The following MAP2K5 variants were observed in gnomAD, a reference collection of about 807,000 sequenced individuals.
MAP2K5 encodes the protein mitogen-activated protein kinase kinase 5.
Under a neutral mutation model 83.1 loss-of-function variants are expected in MAP2K5, and 49 were observed. The observed-to-expected ratio is 0.59, with a 90% CI of 0.47 to 0.75. The LOEUF is 0.75. Among genes scored for constraint, MAP2K5 ranks in the 30% least tolerant of loss-of-function variants. The pLI is 0.00. For missense variants in MAP2K5, 457 were observed against 557.5 expected (o/e 0.82, Z 1.82); for synonymous variants, 202 against 191.8 (o/e 1.05, Z -0.44).
At chr15:67,703,532 A>G in intron 16 of MAP2K5, 124 bp downstream of exon 16, 1 of 719,884 alleles carries the variant, frequency 1.4e-6, no homozygotes, top group Non-Finnish European at 2.3e-6. Flanking sequence ...ATGTATACAG[A>G]GTTTGACCAT....
rs143392889 is a variant in MAP2K5, at chr15:67,543,031, C to A, written c.-305C>A. ...CTCATACCCACACGGCGGCAGAGAC[C>A]TTCACCATAGCGTTCGCTCAACTCC... On this transcript the variant is annotated 5_prime_UTR_variant, in exon 1 of 22. Transcript: ENST00000178640. The surrounding 1 kb of genome is among the most constrained non-coding windows in gnomAD (Gnocchi z 4.3). The A allele has an allele frequency of 1.3e-3, 546 of 417,358 alleles. 10 individuals carry two copies. In the East Asian group the frequency reaches 0.023, roughly 17 times the overall value. 25.9% of individuals were successfully genotyped at this position (417,358 alleles called of 1,614,324 possible).
At chr15:67,658,890 G>GA in intron 12 of MAP2K5, 1 of 466,242 alleles carries the variant, frequency 2.1e-6, no homozygotes. Flanking sequence ...AACTTCTTCT[G>GA]AAAAAAAAAT....
At position 67,668,425 on chromosome 15, in the gene MAP2K5, A is replaced by C. The variant is rs1016352380; in HGVS notation, c.847+3780A>C. Among the ~76,000 whole-genome samples, 23 of 152,210 alleles carry C rather than the reference A, an allele frequency of 1.5e-4. No individual in the cohort carries two copies. Among genetic ancestry groups the C allele is most frequent in the African/African-American group, 5.3e-4 (22 of 41,468 alleles). Reference sequence around the variant, plus strand: ...GGAAAAGTTGTCTTTATTAAAAGGCATATGTGAGAGCACTATAAGCATAGC... The same window carrying C: ...GGAAAAGTTGTCTTTATTAAAAGGCCTATGTGAGAGCACTATAAGCATAGC... On this transcript the variant is annotated intron_variant, in intron 13 of 21. Transcript: ENST00000178640. The surrounding 1 kb of genome is among the most constrained non-coding windows in gnomAD (Gnocchi z 4.0).
chr15:67,745,921 TA>T (rs2089595784), intron 17 of MAP2K5, among the ~76,000 whole-genome samples: 1 of 152,240 alleles, frequency 6.6e-6, no homozygotes, highest in Non-Finnish European at 1.5e-5. Context: ...ATACAAAATT[TA>T]TGAAGATGAT....
chr15:67,671,680 A>G (rs1479326515), intron 13 of MAP2K5, among the ~76,000 whole-genome samples: 2 of 151,966 alleles, frequency 1.3e-5, no homozygotes, highest in South Asian at 2.1e-4. Context: ...TTATCATTAT[A>G]CTTTAAGTTT....
intron 13 of MAP2K5, among the ~76,000 whole-genome samples, chr15:67,674,093 C>T (rs1218181600): frequency 6.6e-6 from 1 of 152,110 alleles, no homozygotes; most frequent in Non-Finnish European, 1.5e-5. Context: ...GTGATCCACC[C>T]GTCTCGGCCT....
rs1175852600 is a variant in MAP2K5 at position 67,668,120 on chromosome 15, CTTT to C, written c.847+3478_847+3480del. On this transcript the variant is annotated intron_variant, in intron 13 of 21. Coordinates refer to ENST00000178640, the MANE Select transcript of MAP2K5 (RefSeq NM_145160.3). The surrounding 1 kb of genome is among the most constrained non-coding windows in gnomAD (Gnocchi z 4.0). ...AGGTGTTACTATTGTTTATTTTGCT[CTTT>C]TTAAGATTTGGTTGAGATATATGTG... Among the ~76,000 whole-genome samples the C allele has an allele frequency of 6.6e-6, 1 of 152,098 alleles. No individual in the cohort carries two copies. Among genetic ancestry groups the C allele is most frequent in the African/African-American group, 2.4e-5 (1 of 41,436 alleles).
rs537529316 is a variant in MAP2K5, at chr15:67,775,638, G to A, written c.1242+2886G>A. ...CAAGTATACAAATAACTAGAATGAA[G>A]TAACTAGTATAAAAGAACTGCAGGG... On this transcript the variant is annotated intron_variant, in intron 21 of 21. Coordinates refer to ENST00000178640, the MANE Select transcript of MAP2K5 (RefSeq NM_145160.3). This position sits in a 1 kb window ranked among gnomAD's most constrained non-coding sequence, Gnocchi z 5.3. Among the ~76,000 whole-genome samples, 7 of 152,312 alleles carry A rather than the reference G, an allele frequency of 4.6e-5. 1 individual carries two copies. In the South Asian group the frequency reaches 1.2e-3, roughly 27 times the overall value.
intron 21 of MAP2K5, among the ~76,000 whole-genome samples, chr15:67,798,254 G>A (rs574109647): frequency 1.3e-5 from 2 of 152,150 alleles, no homozygotes; most frequent in Non-Finnish European, 2.9e-5. Flanking sequence ...GGGCATCTGC[G>A]TGGCCCAAAA....
Position 67,664,659 on chromosome 15 carries a change from T to C in MAP2K5, c.847+14T>C. The C allele has an allele frequency of 6.3e-7, 1 of 1,590,256 alleles. No individual in the cohort carries two copies. Among genetic ancestry groups the C allele is most frequent in the South Asian group, 1.1e-5 (1 of 89,422 alleles). On this transcript the variant is annotated intron_variant, in intron 13 of 21. Transcript: ENST00000178640. ...TTTTACATAGAGGTATGTGCTGGGC[T>C]TATAAGCTTGGATTTAATTTGGGGT...
intron 17 of MAP2K5, among the ~76,000 whole-genome samples, chr15:67,739,836 C>T (rs954024146): frequency 2.0e-5 from 3 of 152,080 alleles, no homozygotes; most frequent in African/African-American, 7.2e-5. Context: ...GGCTGCAATA[C>T]AACTGATCTC....
chr15:67,805,672 C>T (rs991069403), intron 21 of MAP2K5, among the ~76,000 whole-genome samples: 1 of 152,200 alleles, frequency 6.6e-6, no homozygotes, highest in African/African-American at 2.4e-5. Context: ...ATGGCGCCCT[C>T]ATCTCCCCCA....
intron 15 of MAP2K5, among the ~76,000 whole-genome samples, chr15:67,694,822 T>C (rs62016222): frequency 9.2e-5 from 14 of 152,140 alleles, no homozygotes; most frequent in Admixed American, 5.2e-4. Context: ...ATGTTTATTG[T>C]GGCATTATTC....
intron 17 of MAP2K5, among the ~76,000 whole-genome samples, chr15:67,740,171 G>A (rs1032692352): frequency 6.6e-6 from 1 of 152,194 alleles, no homozygotes; most frequent in Non-Finnish European, 1.5e-5. Flanking sequence ...CTGTGGGCCA[G>A]CAATTGTATT....
chr15:67,748,662 A>T lies in MAP2K5; in HGVS notation c.1134+61A>T, dbSNP rs187329496. The T allele has an allele frequency of 6.5e-7, 1 of 1,532,494 alleles. No homozygotes were observed. Among genetic ancestry groups the T allele is most frequent in the East Asian group, 2.3e-5 (1 of 44,386 alleles). 94.9% of individuals were successfully genotyped at this position (1,532,494 alleles called of 1,614,324 possible). ...TCATTCCTAATGGTGTGGAAAGCTT[A>T]TATTTTGTTTCCTAATGAAGCACAA... On this transcript the variant is annotated intron_variant, in intron 19 of 21. Transcript: ENST00000178640. This position sits in a 1 kb window ranked among gnomAD's most constrained non-coding sequence, Gnocchi z 4.0.
At chr15:67,623,156 A>G (rs1020497224) in intron 8 of MAP2K5, among the ~76,000 whole-genome samples, 2 of 152,210 alleles carry the variant, frequency 1.3e-5, no homozygotes, top group African/African-American at 2.4e-5. Context: ...AGGGTAGCTT[A>G]TGCCTCATAT....
At chr15:67,728,031 C>T in intron 17 of MAP2K5, 86 bp downstream of exon 17, 2 of 1,094,868 alleles carry the variant, frequency 1.8e-6, no homozygotes, top group Non-Finnish European at 2.8e-6. Context: ...ACATTTGAGC[C>T]ACATACAAAT....
intron 8 of MAP2K5, among the ~76,000 whole-genome samples, chr15:67,615,782 G>T (rs1186739993): frequency 6.6e-6 from 1 of 152,068 alleles, no homozygotes; most frequent in Non-Finnish European, 1.5e-5. Context: ...GCATTAAAAG[G>T]TGACATCTAG....
At chr15:67,590,438 C>CTCT (rs1567294574) in intron 6 of MAP2K5, among the ~76,000 whole-genome samples, 6 of 67,296 alleles carry the variant, frequency 8.9e-5, no homozygotes, top group African/African-American at 3.7e-4. Context: ...TCTCTCTCTC[C>CTCT]CTCCCTCCCT....
Sources: gnomAD v4.1 joint callset for allele counts (sites outside exome capture counted in the v4.1 genomes callset) on GRCh38, gnomAD v4.1.1 for gene constraint, Gnocchi (gnomAD v3.1) non-coding constraint, MANE v1.5 for transcripts, NCBI Gene and HGNC (gene_info 2026-07-23, HGNC 2026-07-21) for gene names.